The following ATP1A4 variants were observed in gnomAD, a reference collection of about 807,000 sequenced individuals.
ATP1A4 encodes the protein ATPase Na+/K+ transporting subunit alpha 4.
In ATP1A4, 90 loss-of-function variants were observed where a neutral mutation model predicts 114.3. The ratio of observed to expected loss-of-function variants is 0.79; its 90% CI spans 0.66 to 0.94. The LOEUF (loss-of-function observed/expected upper bound fraction) is 0.94. Ranked by LOEUF, ATP1A4 falls within the 40% of genes least tolerant of loss-of-function variation. The probability of loss-of-function intolerance (pLI) is 0.00; values close to 1 mark genes in which losing one functional copy is unlikely to be tolerated. For missense variants in ATP1A4, 1,222 were observed against 1,313.6 expected (o/e 0.93, Z 1.08); for synonymous variants, 511 against 494.1 (o/e 1.03, Z -0.45).
intron 4 of ATP1A4, among the ~76,000 whole-genome samples, 164 bp from the exon 5 acceptor site, chr1:160,158,838 T>C (rs1332778532): frequency 6.6e-6 from 1 of 151,584 alleles, no homozygotes; most frequent in African/African-American, 2.4e-5. Context: ...AACAGCATCA[T>C]GGGAATTTGC....
At position 160,164,311 on chromosome 1, in the gene ATP1A4, G is replaced by A. The variant is rs1264740914; in HGVS notation, c.934G>A (p.Val312Ile). 1.2e-6 allele frequency: 2 copies of A among 1,614,052 alleles called. No homozygotes were observed. The highest frequency in any genetic ancestry group is 1.7e-6 in the Non-Finnish European group (2 of 1,180,038). The change falls in exon 7 of 22, where the codon GTC becomes ATC. Residue 312 changes from valine to isoleucine, a missense_variant. Transcript: ENST00000368081. ...CACTGTGGTGGCCGTCTTCCTTGGT[G>A]TCACTTTTTTTGCGCTCTCACTTCT... ...LITVVAVFLG[V>I]TFFALSLLLG...
Position 160,186,778 on chromosome 1 carries a change from C to G in ATP1A4, c.*79C>G. 7.0e-7 allele frequency: 1 copy of G among 1,430,832 alleles called. No homozygotes were observed. The highest frequency in any genetic ancestry group is 1.2e-5 in the South Asian group (1 of 82,432). 88.6% of individuals were successfully genotyped at this position (1,430,832 alleles called of 1,614,324 possible). On this transcript the variant is annotated 3_prime_UTR_variant, in exon 22 of 22. Coordinates refer to ENST00000368081, the MANE Select transcript of ATP1A4 (RefSeq NM_144699.4). ...GGGGCCAGAGATTATAAGTTTGACA[C>G]AACATCTGAGACACTAGGATGAATT...
At chr1:160,165,542 G>T (rs954810714) in intron 7 of ATP1A4, among the ~76,000 whole-genome samples, 1 of 151,126 alleles carries the variant, frequency 6.6e-6, no homozygotes, top group Non-Finnish European at 1.5e-5. Flanking sequence ...GGCGGATCAC[G>T]AGGTCAGGAG....
intron 7 of ATP1A4, 101 bp downstream of exon 7, chr1:160,164,525 G>T (rs980921732): frequency 8.8e-6 from 11 of 1,255,058 alleles, no homozygotes; most frequent in Non-Finnish European, 1.1e-5. Context: ...CAAGTGCAGG[G>T]TCTTCCTGAT....
chr1:160,169,986 C>T (rs1653187017), intron 10 of ATP1A4: 1 of 152,236 alleles, frequency 6.6e-6, no homozygotes, highest in South Asian at 2.1e-4. Context: ...TCTACACTAT[C>T]TCTTATAAAA....
chr1:160,153,311 C>T (rs74380184), intron 2 of ATP1A4, 87 bp downstream of exon 2: 28,913 of 1,227,420 alleles, frequency 0.024, 496 homozygotes, highest in Middle Eastern at 0.036. Flanking sequence ...GGAATCCAGC[C>T]CCCTAACTTC....
chr1:160,169,494 T>TA (rs1442737564), intron 10 of ATP1A4, among the ~76,000 whole-genome samples: 1 of 152,246 alleles, frequency 6.6e-6, no homozygotes, highest in Non-Finnish European at 1.5e-5. Flanking sequence ...TTAAGTGAGT[T>TA]ACGGTTCTTC....
chr1:160,153,144 A>G (rs1277566647), intron 1 of ATP1A4, 21 bp from the exon 2 acceptor site: 1 of 1,612,016 alleles, frequency 6.2e-7, no homozygotes, highest in Non-Finnish European at 8.5e-7. Context: ...CTGTCCCTCA[A>G]TGCCTCTACT....
chr1:160,185,319 G>A (rs1325874339), intron 20 of ATP1A4, among the ~76,000 whole-genome samples: 1 of 151,890 alleles, frequency 6.6e-6, no homozygotes, highest in Non-Finnish European at 1.5e-5. Flanking sequence ...CACCATGTTG[G>A]TCAGGCTGGT....
chr1:160,160,012 T>G (rs901420757), intron 6 of ATP1A4, among the ~76,000 whole-genome samples: 2 of 152,164 alleles, frequency 1.3e-5, no homozygotes, highest in Non-Finnish European at 2.9e-5. Context: ...CCACTTAAAC[T>G]TTGGCTTTGC....
At chr1:160,173,352 T>C (rs1004605629) in intron 12 of ATP1A4, among the ~76,000 whole-genome samples, 2 of 152,228 alleles carry the variant, frequency 1.3e-5, no homozygotes, top group Non-Finnish European at 2.9e-5. Context: ...TTATTCCTGG[T>C]AAATCTAGGA....
intron 4 of ATP1A4, among the ~76,000 whole-genome samples, chr1:160,157,670 A>C (rs898819499): frequency 2.0e-5 from 3 of 152,210 alleles, no homozygotes; most frequent in Non-Finnish European, 4.4e-5. Context: ...AAGATAAAAG[A>C]TCATGATGTA....
chr1:160,171,618 C>T lies in ATP1A4; in HGVS notation c.1715C>T (p.Ser572Phe). 1 of 1,614,126 alleles carries T rather than the reference C, an allele frequency of 6.2e-7. No individual in the cohort carries two copies. The highest frequency in any genetic ancestry group is 1.1e-5 in the South Asian group (1 of 91,078). ...TTCTTGAATCTGCCTAGCAGCTTCT[C>T]CAAGGGATTCCCATTTAATACAGAT... is the stretch of plus-strand genomic sequence containing the variant. Reference protein sequence around the residue: ...FCFLNLPSSFSKGFPFNTDEI... With the variant: ...FCFLNLPSSFFKGFPFNTDEI... Residue 572 changes from serine (S) to phenylalanine (F), a missense_variant, in exon 12 of 22, where the codon TCC (serine) becomes TTC (phenylalanine). Ser to Phe is a radical substitution (Grantham distance 155, BLOSUM62 -2). Transcript: ENST00000368081.
In ATP1A4 at chr1:160,186,959, A is replaced by C; in HGVS notation, c.*260A>C. 1.9e-6 allele frequency: 1 copy of C among 524,310 alleles called. No homozygotes were observed. The highest frequency in any genetic ancestry group is 3.5e-6 in the Non-Finnish European group (1 of 289,316). The allele number at this position is 524,310 out of a possible 1,614,324, so 32.5% of individuals were successfully genotyped here. On this transcript the variant is annotated 3_prime_UTR_variant, in exon 22 of 22. Coordinates refer to ENST00000368081, the MANE Select transcript of ATP1A4 (RefSeq NM_144699.4). ...ATCCCGTAGCCAGTCTAGACAGTAA[A>C]TGTCTGGAAAAGCCCTCACCAGCTG...
At position 160,158,957 on chromosome 1, in the gene ATP1A4, G is replaced by A. The variant is rs767422842; in HGVS notation, c.526-45G>A. 3.1e-6 allele frequency: 5 copies of A among 1,591,098 alleles called. No individual in the cohort carries two copies. The East Asian group carries it at 9.0e-5, about 29-fold the overall frequency. ...GGTTTTAGGCTAAGAGTGGGATGAGGAAAGCCAAAAGTTTTGGAAATGATC... is the reference window on the plus strand; with the variant it reads ...GGTTTTAGGCTAAGAGTGGGATGAGAAAAGCCAAAAGTTTTGGAAATGATC... On this transcript the variant is annotated intron_variant, in intron 4 of 21. Transcript: ENST00000368081.
intron 20 of ATP1A4, among the ~76,000 whole-genome samples, chr1:160,184,347 A>C (rs1571039752): frequency 6.6e-6 from 1 of 152,018 alleles, no homozygotes; most frequent in Non-Finnish European, 1.5e-5. Flanking sequence ...GGAGTTCAAG[A>C]CCAGCCTGTA....
chr1:160,155,100 T>A lies in ATP1A4; in HGVS notation c.263T>A (p.Val88Asp), dbSNP rs763667336. The A allele has an allele frequency of 6.2e-7, 1 of 1,614,012 alleles. No homozygotes were observed. Among genetic ancestry groups the A allele is most frequent in the East Asian group, 2.2e-5 (1 of 44,872 alleles). The change falls in exon 3 of 22, where the codon GTT becomes GAT. Residue 88 changes from valine to aspartate, a missense_variant. Physicochemically the swap from Val to Asp is radical, Grantham distance 152. Transcript: ENST00000368081. The part of the protein sequence containing the change: ...EILTRGGPNT[V>D]TPPPTTPEWV... The stretch of plus-strand genomic sequence containing the variant: ...CTGACTCGAGGTGGACCCAATACTG[T>A]TACCCCACCCCCCACCACTCCAGAA...
chr1:160,186,087 A>G (rs1166709714), intron 20 of ATP1A4, among the ~76,000 whole-genome samples, 189 bp from the exon 21 acceptor site: 2 of 113,054 alleles, frequency 1.8e-5, no homozygotes, highest in African/African-American at 3.7e-5. Flanking sequence ...ACTCTGTCGC[A>G]AAAAAAAAAA....
At chr1:160,176,903 A>AC (rs1653485666) in intron 17 of ATP1A4, among the ~76,000 whole-genome samples, 1 of 152,206 alleles carries the variant, frequency 6.6e-6, no homozygotes, top group Non-Finnish European at 1.5e-5. Context: ...GAGAGGCCTT[A>AC]TGCAGGAAAT....
Sources: gnomAD v4.1 joint callset for allele counts (sites outside exome capture counted in the v4.1 genomes callset) on GRCh38, gnomAD v4.1.1 for gene constraint, MANE v1.5 for transcripts, NCBI Gene and HGNC (gene_info 2026-07-23, HGNC 2026-07-21) for gene names.